BNC2: variants seen among roughly 807,000 people sequenced by gnomAD.
The protein encoded by BNC2 is zinc finger protein basonuclin-2.
A neutral mutation model predicts 76.3 loss-of-function variants in BNC2; 20 were observed. That is an observed-to-expected ratio of 0.26 (90% CI 0.18 to 0.38). The LOEUF (loss-of-function observed/expected upper bound fraction) is 0.38. BNC2 is among the 10% of genes least tolerant of loss of function. The pLI, the probability that BNC2 is intolerant of heterozygous loss-of-function variation, is 1.00. For missense variants in BNC2, 1,382 were observed against 1,399.8 expected (o/e 0.99, Z 0.20); for synonymous variants, 582 against 514.8 (o/e 1.13, Z -1.77).
At chr9:16,725,616 C>A (rs1824292859) in intron 3 of BNC2, among the ~76,000 whole-genome samples, 1 of 152,234 alleles carries the variant, frequency 6.6e-6, no homozygotes, top group South Asian at 2.1e-4. Flanking sequence ...TTAATAGCAT[C>A]CATTAAGCAT....
chr9:16,794,914 A>T (rs1314981678), intron 1 of BNC2, among the ~76,000 whole-genome samples: 1 of 151,960 alleles, frequency 6.6e-6, no homozygotes, highest in Non-Finnish European at 1.5e-5. Flanking sequence ...AAAAAAACCC[A>T]TGCAAGATAT....
chr9:16,485,738 G>A (rs955591475), intron 5 of BNC2, among the ~76,000 whole-genome samples: 10 of 152,170 alleles, frequency 6.6e-5, no homozygotes, highest in Non-Finnish European at 1.3e-4. Context: ...GAGCCCACGA[G>A]GGCGAGACTG....
At chr9:16,435,187 T>C (rs1820980816) in intron 6 of BNC2, 5 of 390,566 alleles carry the variant, frequency 1.3e-5, no homozygotes, top group South Asian at 1.1e-4. Context: ...AATATATAAA[T>C]ATATATATAA....
intron 5 of BNC2, 79 bp from the exon 6 acceptor site, chr9:16,437,603 G>A: frequency 6.6e-7 from 1 of 1,508,410 alleles, no homozygotes; most frequent in South Asian, 1.2e-5. Flanking sequence ...TGCAACTGAA[G>A]GTGCTCTGTG....
intron 3 of BNC2, among the ~76,000 whole-genome samples, chr9:16,639,711 G>A (rs1008688241): frequency 1.3e-5 from 2 of 152,100 alleles, no homozygotes; most frequent in Admixed American, 6.6e-5. Context: ...GAGCCCAAGA[G>A]TTTCAGACCA....
intron 3 of BNC2, among the ~76,000 whole-genome samples, chr9:16,698,948 T>C (rs553984790): frequency 1.3e-5 from 2 of 152,206 alleles, no homozygotes; most frequent in Non-Finnish European, 2.9e-5. Flanking sequence ...TGAACACATA[T>C]CCTTTTGTAC....
At chr9:16,639,013 C>G (rs57856187) in intron 3 of BNC2, among the ~76,000 whole-genome samples, 1 of 151,972 alleles carries the variant, frequency 6.6e-6, no homozygotes, top group Non-Finnish European at 1.5e-5. Context: ...AAAATACATT[C>G]TAAAAGTCCA....
chr9:16,430,599 G>A (rs1424691220), intron 6 of BNC2, among the ~76,000 whole-genome samples: 1 of 152,190 alleles, frequency 6.6e-6, no homozygotes, highest in East Asian at 1.9e-4. Flanking sequence ...CTTCACCTCT[G>A]TCGTTAATGT....
chr9:16,722,462 A>G (rs1824186450), intron 3 of BNC2, among the ~76,000 whole-genome samples: 1 of 152,210 alleles, frequency 6.6e-6, no homozygotes, highest in South Asian at 2.1e-4. Context: ...TACACTCATA[A>G]ATATAATTAT....
intron 1 of BNC2, among the ~76,000 whole-genome samples, chr9:16,748,619 G>T (rs962128885): frequency 1.3e-5 from 2 of 151,920 alleles, no homozygotes; most frequent in African/African-American, 4.8e-5. Flanking sequence ...AAGGTGGGTG[G>T]ACCACTTGAG....
intron 5 of BNC2, among the ~76,000 whole-genome samples, chr9:16,460,939 C>A (rs1246511565): frequency 1.3e-5 from 2 of 151,800 alleles, no homozygotes; most frequent in Non-Finnish European, 2.9e-5. Flanking sequence ...TAACTGAAAT[C>A]TTGATCCTAC....
intron 3 of BNC2, among the ~76,000 whole-genome samples, chr9:16,630,092 A>G (rs1250072597): frequency 6.6e-6 from 1 of 152,248 alleles, no homozygotes; most frequent in Admixed American, 6.5e-5. Context: ...GTATCTGCAG[A>G]GTGCAGTAAA....
chr9:16,527,364 C>A (rs1292422460), intron 5 of BNC2, among the ~76,000 whole-genome samples: 2 of 152,154 alleles, frequency 1.3e-5, no homozygotes, highest in Non-Finnish European at 2.9e-5. Flanking sequence ...TCTTCACCAC[C>A]CATCTTATCT....
chr9:16,556,684 C>T (rs1184300583), intron 4 of BNC2, among the ~76,000 whole-genome samples: 1 of 151,166 alleles, frequency 6.6e-6, no homozygotes, highest in Non-Finnish European at 1.5e-5. Context: ...AGGAGAATCG[C>T]TGGAACCTGG....
intron 1 of BNC2, among the ~76,000 whole-genome samples, chr9:16,838,160 T>C (rs1425923967): frequency 6.6e-6 from 1 of 152,170 alleles, no homozygotes; most frequent in Non-Finnish European, 1.5e-5. Context: ...TGTACACAAG[T>C]TTCAACCTAC....
chr9:16,830,649 C>A (rs886673391), intron 1 of BNC2, among the ~76,000 whole-genome samples: 3 of 152,188 alleles, frequency 2.0e-5, no homozygotes, highest in African/African-American at 7.2e-5. Flanking sequence ...TGCCAACTTA[C>A]AAATCTTGTT....
At chr9:16,492,957 A>G (rs910838953) in intron 5 of BNC2, among the ~76,000 whole-genome samples, 1 of 152,152 alleles carries the variant, frequency 6.6e-6, no homozygotes, top group Admixed American at 6.5e-5. Flanking sequence ...AGTATAAATA[A>G]CATTCAGAAT....
intron 4 of BNC2, among the ~76,000 whole-genome samples, chr9:16,578,608 T>G (rs1819549242): frequency 1.3e-5 from 2 of 151,762 alleles, no homozygotes; most frequent in African/African-American, 4.8e-5. Context: ...ATTCTGTGAA[T>G]GGCCAAATTG....
Position 16,736,216 on chromosome 9 carries a change from A to T in BNC2, c.129+2144T>A, listed in dbSNP as rs571665906. 2.0e-5 allele frequency among the ~76,000 whole-genome samples: 3 copies of T among 147,378 alleles called. No individual in the cohort carries two copies. The East Asian group carries it at 5.9e-4, about 29-fold the overall frequency. On this transcript the variant is annotated intron_variant, in intron 2 of 6. Coordinates refer to ENST00000380672, the MANE Select transcript of BNC2 (RefSeq NM_017637.6). Reference sequence around the variant, plus strand: ...GCCACTGCACTCCACTCTGTTTCCAAAAAAAAAAAAAGGAAAGAAAGAAAA... The same window carrying T: ...GCCACTGCACTCCACTCTGTTTCCATAAAAAAAAAAAGGAAAGAAAGAAAA...
Sources: allele counts gnomAD v4.1 joint callset (sites outside exome capture counted in the v4.1 genomes callset), GRCh38; gene constraint gnomAD v4.1.1; transcripts MANE v1.5; gene names NCBI Gene and HGNC (gene_info 2026-07-23, HGNC 2026-07-21).